GLIPR1L2: variants seen among roughly 807,000 people sequenced by gnomAD.
GLIPR1L2 encodes GLIPR1 like 2.
A neutral mutation model predicts 28.4 loss-of-function variants in GLIPR1L2; 21 were observed. The ratio of observed to expected loss-of-function variants is 0.74; its 90% confidence interval spans 0.52 to 1.06. The LOEUF is 1.06. Among genes scored for constraint, GLIPR1L2 ranks in the 50% least tolerant of loss-of-function variants. GLIPR1L2 has a pLI of 0.00. For missense variants in GLIPR1L2, 476 were observed against 416.9 expected, an observed-to-expected ratio of 1.14 and a Z score of -1.23; for synonymous variants, 145 against 139.3, an observed-to-expected ratio of 1.04 and a Z score of -0.29.
intron 3 of GLIPR1L2, among the ~76,000 whole-genome samples, 185 bp downstream of exon 3, chr12:75,413,886 A>G (rs185289565): frequency 1.2e-4 from 19 of 152,146 alleles, no homozygotes; most frequent in South Asian, 1.2e-3. Flanking sequence ...TTGTACTTAT[A>G]CACTAGCCAA....
intron 1 of GLIPR1L2, chr12:75,391,641 C>T: frequency 1.3e-6 from 1 of 791,474 alleles, no homozygotes; most frequent in East Asian, 4.0e-5. Flanking sequence ...TTTAATGCAA[C>T]GGGTTTTTAA....
intron 1 of GLIPR1L2, among the ~76,000 whole-genome samples, chr12:75,405,576 C>T (rs192363043): frequency 1.3e-5 from 2 of 152,140 alleles, no homozygotes; most frequent in Non-Finnish European, 2.9e-5. Context: ...TGTACCTAAT[C>T]ACAAAAAACA....
intron 3 of GLIPR1L2, among the ~76,000 whole-genome samples, chr12:75,414,385 A>G (rs1040405092): frequency 1.3e-5 from 2 of 152,080 alleles, no homozygotes; most frequent in African/African-American, 4.8e-5. Flanking sequence ...GTTTGAATTA[A>G]CATCTTAAAT....
At chr12:75,421,205 C>T (rs1233888649) in intron 3 of GLIPR1L2, among the ~76,000 whole-genome samples, 3 of 152,164 alleles carry the variant, frequency 2.0e-5, no homozygotes, top group African/African-American at 7.2e-5. Context: ...ACTAGATCAA[C>T]TCTTGAGTTT....
At position 75,412,804 on chromosome 12, in the gene GLIPR1L2, A is replaced by C. The variant is rs2045882699; in HGVS notation, c.481-794A>C. 2.6e-5 allele frequency among the ~76,000 whole-genome samples: 4 copies of C among 152,216 alleles called. No individual in the cohort carries two copies. In the South Asian group the frequency reaches 8.3e-4, roughly 32 times the overall value. On this transcript the variant is annotated intron_variant, in intron 2 of 5. Coordinates refer to ENST00000550916, the MANE Select transcript of GLIPR1L2 (RefSeq NM_001270396.2). ...CAGTGTGGCGATTCCTCAGGGATCT[A>C]GAACTAGAAATACCATTTGACCCAG... is the stretch of plus-strand genomic sequence containing the variant.
intron 1 of GLIPR1L2, among the ~76,000 whole-genome samples, chr12:75,401,119 T>A (rs7135340): frequency 1.3e-5 from 2 of 151,464 alleles, no homozygotes; most frequent in Admixed American, 6.6e-5. Flanking sequence ...ATCAAGCCTG[T>A]AATATAAGGA....
chr12:75,399,860 A>G (rs1288069261), intron 1 of GLIPR1L2, among the ~76,000 whole-genome samples: 3 of 152,232 alleles, frequency 2.0e-5, no homozygotes, highest in Non-Finnish European at 4.4e-5. Context: ...AGAATCTGGC[A>G]ATACCTACTA....
intron 2 of GLIPR1L2, among the ~76,000 whole-genome samples, chr12:75,412,583 C>T (rs1309300178): frequency 1.2e-4 from 19 of 152,098 alleles, no homozygotes; most frequent in Admixed American, 1.2e-3. Flanking sequence ...AGCCAAAAAA[C>T]ACATGAAAAA....
At chr12:75,395,558 T>G (rs1032324362) in intron 1 of GLIPR1L2, among the ~76,000 whole-genome samples, 1 of 151,854 alleles carries the variant, frequency 6.6e-6, no homozygotes, top group African/African-American at 2.4e-5. Flanking sequence ...CTATTAGAAT[T>G]CACCAATGAC....
chr12:75,431,401 A>C lies in GLIPR1L2; in HGVS notation c.*240A>C. 5.3e-6 allele frequency: 2 copies of C among 374,784 alleles called. No individual in the cohort carries two copies. The highest frequency in any genetic ancestry group is 9.5e-6 in the Non-Finnish European group (2 of 210,964). The allele number at this position is 374,784 out of a possible 1,614,324, so 23.2% of individuals were successfully genotyped here. ...TCTTTGACACTAAGAACAGATAAAG[A>C]CATGACAGGAAAAACACTGAAAAAC... is the stretch of plus-strand genomic sequence containing the variant. On this transcript the variant is annotated 3_prime_UTR_variant, in exon 6 of 6. Transcript: ENST00000550916.
chr12:75,426,291 G>A (rs4882626), intron 4 of GLIPR1L2, among the ~76,000 whole-genome samples: 26,618 of 152,118 alleles, frequency 0.17, 2,571 homozygotes, highest in Admixed American at 0.24. Context: ...AGTCTGGGTT[G>A]AATTAGAAAA....
rs2045691643 is a variant in GLIPR1L2, at chr12:75,397,314, AT to A, written c.234+5969del. 3.3e-5 allele frequency among the ~76,000 whole-genome samples: 5 copies of A among 151,284 alleles called. No individual in the cohort carries two copies. In the South Asian group the frequency reaches 1.0e-3, roughly 32 times the overall value. The stretch of plus-strand genomic sequence containing the variant: ...TGTCCTGTTTTCTCTTATGATTTCT[AT>A]TTTTACACTCATTTAATCATTTTAA... On this transcript the variant is annotated intron_variant, in intron 1 of 5. Transcript: ENST00000550916.
chr12:75,407,549 T>A (rs1009041517), intron 1 of GLIPR1L2, among the ~76,000 whole-genome samples: 3 of 152,124 alleles, frequency 2.0e-5, no homozygotes, highest in African/African-American at 4.8e-5. Flanking sequence ...TAGATTAAGA[T>A]AAATGTCAGG....
chr12:75,391,258 G>T lies in GLIPR1L2; in HGVS notation c.142G>T (p.Glu48Ter), dbSNP rs1364707539. Residue 48 changes from glutamate (E) to a stop codon, truncating the protein, a stop_gained, in exon 1 of 6, where the codon GAG becomes TAG. Transcript: ENST00000550916. LOFTEE classifies it high-confidence loss of function. ...TTTGAACGCCAGATTTTTGCCAGAC[G>T]AGGAGGACGTAGACTTTATCAACGA... ...SSLNARFLPD[E>*]EDVDFINEYV... The T allele has an allele frequency of 6.2e-7, 1 of 1,614,102 alleles. No individual in the cohort carries two copies. Among genetic ancestry groups the T allele is most frequent in the Non-Finnish European group, 8.5e-7 (1 of 1,180,030 alleles).
At chr12:75,397,395 T>A (rs1178198544) in intron 1 of GLIPR1L2, among the ~76,000 whole-genome samples, 1 of 152,098 alleles carries the variant, frequency 6.6e-6, no homozygotes, top group Non-Finnish European at 1.5e-5. Flanking sequence ...TATTTTAGTT[T>A]CTTTGGGTGC....
Position 75,431,230 on chromosome 12 carries a change from A to G in GLIPR1L2, c.*69A>G, listed in dbSNP as rs1421030717. 8.0e-6 allele frequency: 3 copies of G among 374,522 alleles called. No homozygotes were observed. The highest frequency in any genetic ancestry group is 4.7e-5 in the East Asian group (1 of 21,396). 23.2% of individuals were successfully genotyped at this position (374,522 alleles called of 1,614,324 possible). On this transcript the variant is annotated 3_prime_UTR_variant, in exon 6 of 6. Transcript: ENST00000550916. Reference sequence around the variant, plus strand: ...AAAGTGTAATACAAAAAAAGACAGAAAAAAAAAAAAAGTAAAACACTGAGT... The same window carrying G: ...AAAGTGTAATACAAAAAAAGACAGAGAAAAAAAAAAAGTAAAACACTGAGT...
At chr12:75,412,482 TCAAA>T (rs2045878480) in intron 2 of GLIPR1L2, among the ~76,000 whole-genome samples, 2 of 151,786 alleles carry the variant, frequency 1.3e-5, no homozygotes, top group South Asian at 2.1e-4. Flanking sequence ...TACAATGAAC[TCAAA>T]CAAATTTACA....
At chr12:75,423,168 G>C (rs1384633146) in intron 4 of GLIPR1L2, 179 bp downstream of exon 4, 1 of 1,462,874 alleles carries the variant, frequency 6.8e-7, no homozygotes, top group African/African-American at 1.4e-5. Context: ...AAACTGCAGA[G>C]CTTTTTCTGT....
intron 1 of GLIPR1L2, among the ~76,000 whole-genome samples, chr12:75,394,261 C>T (rs531103679): frequency 2.6e-5 from 4 of 152,076 alleles, no homozygotes; most frequent in South Asian, 2.1e-4. Context: ...AAGTTTTTAA[C>T]GTCAATGAAG....
Sources: gnomAD v4.1 joint callset for allele counts (sites outside exome capture counted in the v4.1 genomes callset) on GRCh38, gnomAD v4.1.1 for gene constraint, MANE v1.5 for transcripts, NCBI Gene and HGNC (gene_info 2026-07-23, HGNC 2026-07-21) for gene names.